PCDHA5: variants seen among roughly 807,000 people sequenced by gnomAD.
PCDHA5 encodes protocadherin alpha 5.
A neutral mutation model predicts 61.6 loss-of-function variants in PCDHA5; 43 were observed. The ratio of observed to expected loss-of-function variants is 0.70; its 90% CI spans 0.55 to 0.90. PCDHA5 has a LOEUF of 0.90. Among genes scored for constraint, PCDHA5 ranks in the 40% least tolerant of loss-of-function variants. PCDHA5 has a pLI of 0.00. For synonymous variants in PCDHA5, 627 were observed against 543.9 expected, an observed-to-expected ratio of 1.15 and a Z score of -2.13; for missense variants, 1,298 against 1,222.7, an observed-to-expected ratio of 1.06 and a Z score of -0.92.
intron 1 of PCDHA5, among the ~76,000 whole-genome samples, chr5:140,893,358 C>A (rs1385049897): frequency 2.0e-5 from 3 of 152,134 alleles, no homozygotes; most frequent in Admixed American, 6.5e-5. Context: ...AATTTACATG[C>A]CCACCAACAG....
chr5:140,927,826 G>A (rs782694866), intron 1 of PCDHA5: 1 of 1,614,194 alleles, frequency 6.2e-7, no homozygotes, highest in Middle Eastern at 1.6e-4. Context: ...ATACATTGAG[G>A]CGAGGGACGA....
intron 1 of PCDHA5, chr5:140,856,974 T>C: frequency 6.3e-7 from 1 of 1,594,506 alleles, no homozygotes; most frequent in African/African-American, 1.3e-5. Context: ...GCTATTGACT[T>C]TGAGGACAGT....
At chr5:140,948,292 A>G (rs1174586168) in intron 1 of PCDHA5, among the ~76,000 whole-genome samples, 1 of 151,576 alleles carries the variant, frequency 6.6e-6, no homozygotes, top group Non-Finnish European at 1.5e-5. Flanking sequence ...AATTTTGTAA[A>G]GAATATCTTT....
At chr5:140,967,059 C>T in intron 1 of PCDHA5, 1 of 1,612,750 alleles carries the variant, frequency 6.2e-7, no homozygotes, top group Non-Finnish European at 8.5e-7. Flanking sequence ...ACGAGTGGAG[C>T]GCTCTTCGTC....
chr5:140,852,885 A>ATTT, intron 1 of PCDHA5: 1 of 778,088 alleles, frequency 1.3e-6, no homozygotes, highest in Non-Finnish European at 1.6e-6. Context: ...CATAAAACGT[A>ATTT]TTTTTTTTTT....
chr5:140,948,318 A>G (rs1423632599), intron 1 of PCDHA5, among the ~76,000 whole-genome samples: 1 of 151,520 alleles, frequency 6.6e-6, no homozygotes, highest in Non-Finnish European at 1.5e-5. Flanking sequence ...TTGAGGGGTA[A>G]TGTTTTCATT....
In PCDHA5 at chr5:140,884,757, TCTTTA is replaced by T. The variant is rs1486319174; in HGVS notation, c.2352+60636_2352+60640del. On this transcript the variant is annotated intron_variant, in intron 1 of 3. Transcript: ENST00000529859. ...ATCTTTCCTGCCAATTTCAAATTATTCTTTACTTTAATTTTAATTTTGCTAGTTGT... is the reference window on the plus strand; with the variant it reads ...ATCTTTCCTGCCAATTTCAAATTATTCTTTAATTTTAATTTTGCTAGTTGT... The T allele has an allele frequency of 5.5e-5, 78 of 1,427,314 alleles. 1 individual carries two copies. The highest frequency in any genetic ancestry group is 1.3e-4 in the South Asian group (8 of 61,704). The allele number at this position is 1,427,314 out of a possible 1,614,324, so 88.4% of individuals were successfully genotyped here. A position where few individuals can be genotyped will look rare whatever the true frequency, so the allele number is the denominator to read the frequency against.
rs782782390 is a variant in PCDHA5 at position 140,856,337 on chromosome 5, C to T, written c.2352+32210C>T. 2.5e-6 allele frequency: 4 copies of T among 1,598,496 alleles called. 1 individual carries two copies. The Admixed American group carries it at 5.1e-5, about 20-fold the overall frequency. On this transcript the variant is annotated intron_variant, in intron 1 of 3. Transcript: ENST00000529859. ...GATTGACCGCGAGGAGCTGTGCGGG[C>T]GGAGCGTGGAGTGCAGCATCCACCT...
chr5:140,904,522 C>T (rs1241157884), intron 1 of PCDHA5, among the ~76,000 whole-genome samples: 1 of 151,956 alleles, frequency 6.6e-6, no homozygotes, highest in Admixed American at 6.6e-5. Flanking sequence ...CTGCTATAAA[C>T]TTGTGTGTTC....
intron 1 of PCDHA5, chr5:140,849,501 C>T (rs251354): frequency 6.4e-7 from 1 of 1,571,602 alleles, no homozygotes; most frequent in African/African-American, 1.4e-5. Flanking sequence ...TCATTGTACA[C>T]TTCTTGTGGA....
chr5:140,828,063 T>C (rs2150150500), intron 1 of PCDHA5: 2 of 1,558,310 alleles, frequency 1.3e-6, no homozygotes, highest in Admixed American at 2.0e-5. Context: ...GAAGATCTTC[T>C]AATGGAAATA....
At chr5:140,982,054 G>T (rs565307071) in intron 2 of PCDHA5, among the ~76,000 whole-genome samples, 1 of 152,322 alleles carries the variant, frequency 6.6e-6, no homozygotes, top group East Asian at 1.9e-4. Context: ...AAATATTTTA[G>T]TGTGTTTTCT....
At chr5:140,871,729 G>T in intron 1 of PCDHA5, 2 of 714,516 alleles carry the variant, frequency 2.8e-6, no homozygotes, top group South Asian at 2.4e-5. Context: ...TTAATATTTG[G>T]TTAGCAAATC....
chr5:140,972,270 G>T (rs2096527606), intron 1 of PCDHA5, among the ~76,000 whole-genome samples: 2 of 151,190 alleles, frequency 1.3e-5, no homozygotes, highest in African/African-American at 4.9e-5. Context: ...CTCCTGAGTA[G>T]CTTGGACCAT....
At chr5:140,976,454 G>A (rs550788004) in intron 1 of PCDHA5, among the ~76,000 whole-genome samples, 18 of 152,214 alleles carry the variant, frequency 1.2e-4, no homozygotes, top group South Asian at 2.1e-4. Flanking sequence ...GGGAGGCTGG[G>A]GAAGAAGAAT....
intron 1 of PCDHA5, chr5:140,927,577 A>T: frequency 6.2e-7 from 1 of 1,614,170 alleles, no homozygotes; most frequent in Non-Finnish European, 8.5e-7. Flanking sequence ...CACAAATGAC[A>T]ACGCGCCTGT....
intron 1 of PCDHA5, among the ~76,000 whole-genome samples, chr5:140,925,189 C>T (rs1488098385): frequency 1.3e-5 from 2 of 152,116 alleles, no homozygotes; most frequent in Non-Finnish European, 1.5e-5. Context: ...TACCATCACC[C>T]AGCTTCAATA....
chr5:140,927,137 A>T, intron 1 of PCDHA5: 1 of 1,614,052 alleles, frequency 6.2e-7, no homozygotes, highest in Non-Finnish European at 8.5e-7. Context: ...GAGCCGGCGG[A>T]CCGCGAACAG....
intron 1 of PCDHA5, among the ~76,000 whole-genome samples, chr5:140,915,168 C>T (rs181934284): frequency 6.0e-4 from 92 of 152,112 alleles, no homozygotes; most frequent in Middle Eastern, 3.4e-3. Context: ...AGGATAGTCT[C>T]GATCTCTTGA....
Sources: gnomAD v4.1 joint callset for allele counts (sites outside exome capture counted in the v4.1 genomes callset) on GRCh38, gnomAD v4.1.1 for gene constraint, MANE v1.5 for transcripts, NCBI Gene and HGNC (gene_info 2026-07-23, HGNC 2026-07-21) for gene names.